Variants in NCKAP5 observed in about 807,000 individuals in gnomAD.
The protein encoded by NCKAP5 is nck-associated protein 5.
A neutral mutation model predicts 167.0 loss-of-function variants in NCKAP5; 92 were observed. That is an observed-to-expected ratio of 0.55 (90% CI 0.47 to 0.66). The LOEUF (loss-of-function observed/expected upper bound fraction) is 0.66, where lower values mean the gene tolerates loss of function less well. Ranked by LOEUF, NCKAP5 falls within the 30% of genes least tolerant of loss-of-function variation. The probability of loss-of-function intolerance (pLI) is 0.00; values close to 1 mark genes in which losing one functional copy is unlikely to be tolerated. For synonymous variants in NCKAP5, 891 were observed against 877.4 expected (o/e 1.02, Z -0.27); for missense variants, 2,378 against 2,315.0 (o/e 1.03, Z -0.56).
the NCKAP5 span, among the ~76,000 whole-genome samples, chr2:133,641,028 C>T: frequency 6.6e-6 from 1 of 152,156 alleles, no homozygotes; most frequent in South Asian, 2.1e-4. Context: ...CCCCATTCAG[C>T]AAATATGCAC....
intron 3 of NCKAP5, among the ~76,000 whole-genome samples, chr2:133,379,881 A>G (rs540385264): frequency 6.6e-5 from 10 of 152,338 alleles, no homozygotes; most frequent in African/African-American, 2.4e-4. Context: ...TGGGATTTAT[A>G]GTCAGATGAA....
At chr2:133,497,662 G>A (rs578207976) in intron 3 of NCKAP5, among the ~76,000 whole-genome samples, 22 of 152,288 alleles carry the variant, frequency 1.4e-4, no homozygotes, top group East Asian at 7.7e-4. Flanking sequence ...AAACAGAAGC[G>A]GATCTGCTGC....
intron 11 of NCKAP5, among the ~76,000 whole-genome samples, chr2:132,839,400 C>G (rs1688129242): frequency 6.6e-6 from 1 of 151,964 alleles, no homozygotes; most frequent in African/African-American, 2.4e-5. Context: ...AGGTAGATAG[C>G]TAGTAGTATA....
At chr2:132,751,590 T>C (rs1680119617) in intron 16 of NCKAP5, among the ~76,000 whole-genome samples, 1 of 152,212 alleles carries the variant, frequency 6.6e-6, no homozygotes, top group South Asian at 2.1e-4. Flanking sequence ...GCAATGCACA[T>C]GCCTACAGCC....
chr2:133,501,595 T>C (rs966828887), intron 3 of NCKAP5, among the ~76,000 whole-genome samples: 2 of 152,238 alleles, frequency 1.3e-5, no homozygotes, highest in Admixed American at 6.5e-5. Context: ...GAAGAGCTCA[T>C]ACATTTTAGT....
At chr2:132,780,485 G>A (rs1682938892) in intron 15 of NCKAP5, among the ~76,000 whole-genome samples, 4 of 152,264 alleles carry the variant, frequency 2.6e-5, no homozygotes, top group Admixed American at 1.3e-4. Context: ...GCTACTCCCT[G>A]AGTTCTGGAC....
intron 4 of NCKAP5, among the ~76,000 whole-genome samples, chr2:133,276,837 C>T (rs186016337): frequency 1.7e-3 from 254 of 151,912 alleles, no homozygotes; most frequent in Non-Finnish European, 3.1e-3. Context: ...AAAAATATCA[C>T]GGCCAAGTGA....
At chr2:133,202,954 A>G (rs976218112) in intron 5 of NCKAP5, among the ~76,000 whole-genome samples, 2 of 152,140 alleles carry the variant, frequency 1.3e-5, no homozygotes, top group Admixed American at 6.5e-5. Context: ...ACTGTAAACT[A>G]GTTCAACCAT....
intron 3 of NCKAP5, among the ~76,000 whole-genome samples, chr2:133,410,051 C>T (rs183452148): frequency 3.9e-4 from 60 of 152,302 alleles, no homozygotes; most frequent in African/African-American, 1.4e-3. Flanking sequence ...AAAGCAAAGG[C>T]TCAAGGTTGC....
chr2:132,844,422 GT>G (rs1688519226), intron 11 of NCKAP5, among the ~76,000 whole-genome samples: 2 of 152,030 alleles, frequency 1.3e-5, no homozygotes, highest in Non-Finnish European at 2.9e-5. Context: ...TAAAGCCACT[GT>G]ATTAGTATGA....
intron 6 of NCKAP5, among the ~76,000 whole-genome samples, chr2:133,120,519 C>A (rs191494708): frequency 6.6e-6 from 1 of 151,944 alleles, no homozygotes; most frequent in African/African-American, 2.4e-5. Flanking sequence ...GCCCCATATG[C>A]AAACCTTAGA....
intron 5 of NCKAP5, among the ~76,000 whole-genome samples, chr2:133,142,059 G>A (rs1354042516): frequency 6.6e-6 from 1 of 152,108 alleles, no homozygotes; most frequent in Non-Finnish European, 1.5e-5. Context: ...GTTATTTCTG[G>A]GAGGTAAGGT....
intron 4 of NCKAP5, among the ~76,000 whole-genome samples, chr2:133,271,970 A>G (rs184671259): frequency 6.6e-6 from 1 of 152,268 alleles, no homozygotes; most frequent in East Asian, 1.9e-4. Flanking sequence ...GTGCAGATAA[A>G]TATTTTATTA....
intron 8 of NCKAP5, among the ~76,000 whole-genome samples, chr2:132,958,104 A>G (rs992589015): frequency 1.3e-5 from 2 of 152,198 alleles, no homozygotes; most frequent in African/African-American, 4.8e-5. Flanking sequence ...GTGAACCTCT[A>G]GGCAGCCAAG....
rs114098665 is a variant in NCKAP5, at chr2:133,010,609, G to C, written c.342-16370C>G. Among the ~76,000 whole-genome samples, 609 of 152,172 alleles carry C rather than the reference G, an allele frequency of 4.0e-3. 3 individuals carry two copies. Among genetic ancestry groups the C allele is most frequent in the African/African-American group, 0.014 (575 of 41,526 alleles). ...TCTTCTTGACCTTGGATGTCTATAA[G>C]GATATAAAGAATAACCACATCAGAA... On this transcript the variant is annotated intron_variant, in intron 6 of 19. Transcript: ENST00000409261.
chr2:133,647,101 G>A, the NCKAP5 span, among the ~76,000 whole-genome samples: 1 of 151,944 alleles, frequency 6.6e-6, no homozygotes, highest in African/African-American at 2.4e-5. Flanking sequence ...AACAGAGGAG[G>A]CCAAGGCAAG....
At chr2:133,351,678 C>A in intron 3 of NCKAP5, among the ~76,000 whole-genome samples, 1 of 152,236 alleles carries the variant, frequency 6.6e-6, no homozygotes, top group South Asian at 2.1e-4. Flanking sequence ...TGTGCCCCCA[C>A]CCCAGGACTT....
At chr2:133,444,264 T>C (rs1395698283) in intron 3 of NCKAP5, among the ~76,000 whole-genome samples, 3 of 152,190 alleles carry the variant, frequency 2.0e-5, no homozygotes, top group Non-Finnish European at 4.4e-5. Context: ...CTTAGGGCTA[T>C]CTCAGCGCTG....
intron 2 of NCKAP5, among the ~76,000 whole-genome samples, chr2:133,532,093 GTC>G (rs1558760433): frequency 1.3e-5 from 2 of 152,168 alleles, no homozygotes; most frequent in Non-Finnish European, 2.9e-5. Flanking sequence ...ACATATGATA[GTC>G]TACTTTCTAT....
Sources: gnomAD v4.1 joint callset for allele counts (sites outside exome capture counted in the v4.1 genomes callset) on GRCh38, gnomAD v4.1.1 for gene constraint, MANE v1.5 for transcripts, NCBI Gene and HGNC (gene_info 2026-07-23, HGNC 2026-07-21) for gene names.